LPP: variants seen among roughly 807,000 people sequenced by gnomAD.
The protein encoded by LPP is LIM domain containing preferred translocation partner in lipoma, also known as lipoma-preferred partner.
A neutral mutation model predicts 60.4 loss-of-function variants in LPP; 38 were observed. The observed-to-expected ratio is 0.63, with a 90% CI of 0.49 to 0.83. The LOEUF is 0.83. Among genes scored for constraint, LPP ranks in the 40% least tolerant of loss-of-function variants. The probability of loss-of-function intolerance (pLI) is 0.00; values close to 1 mark genes in which losing one functional copy is unlikely to be tolerated. For missense variants in LPP, 902 were observed against 783.6 expected, an observed-to-expected ratio of 1.15 and a Z score of -1.80; for synonymous variants, 328 against 290.8, an observed-to-expected ratio of 1.13 and a Z score of -1.30.
chr3:188,566,180 C>T (rs983175970), intron 6 of LPP, among the ~76,000 whole-genome samples: 1 of 151,902 alleles, frequency 6.6e-6, no homozygotes, highest in Non-Finnish European at 1.5e-5. Flanking sequence ...TCAATCTTCC[C>T]TTGCACGATT....
intron 4 of LPP, among the ~76,000 whole-genome samples, chr3:188,424,910 C>A (rs1206605597): frequency 6.6e-6 from 1 of 152,014 alleles, no homozygotes; most frequent in Non-Finnish European, 1.5e-5. Flanking sequence ...TTTGACTTCC[C>A]CTCTTCCTAT....
rs564964290 is a variant in LPP, at chr3:188,390,396, T to C, written c.-9-15716T>C. 2.0e-5 allele frequency among the ~76,000 whole-genome samples: 3 copies of C among 152,264 alleles called. No homozygotes were observed. The South Asian group carries it at 6.2e-4, about 32-fold the overall frequency. ...CTTTCCTTTGAAATTCCTTTATTAA[T>C]AGTCTTCCTTCACATGTATATCACT... On this transcript the variant is annotated intron_variant, in intron 3 of 11. Transcript: ENST00000617246.
At chr3:188,615,618 G>C (rs1456996019) in intron 7 of LPP, among the ~76,000 whole-genome samples, 1 of 152,196 alleles carries the variant, frequency 6.6e-6, no homozygotes, top group Non-Finnish European at 1.5e-5. Flanking sequence ...AATTTTGGTA[G>C]ACACTCTGTA....
At chr3:188,344,534 T>C (rs1051066575) in intron 3 of LPP, among the ~76,000 whole-genome samples, 2 of 152,318 alleles carry the variant, frequency 1.3e-5, no homozygotes, top group African/African-American at 2.4e-5. Context: ...GTTGGACCAG[T>C]TGATCATGGC....
At chr3:188,659,102 T>C (rs1461436018) in intron 7 of LPP, among the ~76,000 whole-genome samples, 1 of 152,208 alleles carries the variant, frequency 6.6e-6, no homozygotes, top group Admixed American at 6.5e-5. Flanking sequence ...TGTTAAAAAA[T>C]AATAGTGCAT....
intron 9 of LPP, among the ~76,000 whole-genome samples, chr3:188,766,491 A>G (rs1734206399): frequency 6.6e-6 from 1 of 152,016 alleles, no homozygotes; most frequent in Non-Finnish European, 1.5e-5. Context: ...CTAATTAATG[A>G]TCCTAGAAAA....
intron 5 of LPP, among the ~76,000 whole-genome samples, chr3:188,494,104 T>C (rs1809227892): frequency 6.6e-6 from 1 of 152,140 alleles, no homozygotes; most frequent in African/African-American, 2.4e-5. Flanking sequence ...GGCCATAGGG[T>C]ATATACGTTC....
intron 9 of LPP, among the ~76,000 whole-genome samples, chr3:188,791,207 G>A (rs1032969592): frequency 5.3e-5 from 8 of 152,172 alleles, no homozygotes; most frequent in African/African-American, 1.7e-4. Context: ...TGCTCTGGGA[G>A]AAATGGGTGC....
intron 6 of LPP, chr3:188,553,667 T>C (rs1259712703): frequency 6.6e-6 from 1 of 152,208 alleles, no homozygotes; most frequent in Non-Finnish European, 1.5e-5. Context: ...AACTGGTGAA[T>C]AGAAGAAGCC....
intron 4 of LPP, among the ~76,000 whole-genome samples, chr3:188,440,286 T>TA (rs1371871025): frequency 1.3e-5 from 2 of 152,208 alleles, no homozygotes; most frequent in African/African-American, 2.4e-5. Flanking sequence ...TCCTCTTTCG[T>TA]AAAAAAGAGA....
chr3:188,769,839 A>G (rs1304498157), intron 9 of LPP, among the ~76,000 whole-genome samples: 3 of 152,126 alleles, frequency 2.0e-5, no homozygotes, highest in Non-Finnish European at 4.4e-5. Context: ...TAGAAATAGG[A>G]CAGCGTTTGC....
At chr3:188,808,133 T>C (rs1457884856) in intron 9 of LPP, among the ~76,000 whole-genome samples, 1 of 152,150 alleles carries the variant, frequency 6.6e-6, no homozygotes, top group Non-Finnish European at 1.5e-5. Flanking sequence ...TCTCTAATGT[T>C]ACTTTGTCTT....
rs1157606865 is a variant in LPP, at chr3:188,866,229, C to T, written c.1440C>T (p.Ser480=). 2 of 1,572,922 alleles carry T rather than the reference C, an allele frequency of 1.3e-6. No homozygotes were observed. Among genetic ancestry groups the T allele is most frequent in the Admixed American group, 3.7e-5 (2 of 54,730 alleles). ...CTCTGGAGCAGTGCAATGTGTGTTC[C>T]AAGCCCATCATGGAGCGGATTCTCC... is the stretch of plus-strand genomic sequence containing the variant. ...INTLEQCNVC[S]KPIMERILRA... The change falls in exon 10 of 12, where the codon TCC becomes TCT. Residue 480 remains serine, a synonymous_variant. Transcript: ENST00000617246.
intron 2 of LPP, among the ~76,000 whole-genome samples, chr3:188,286,587 C>T (rs1334891878): frequency 6.6e-6 from 1 of 152,078 alleles, no homozygotes; most frequent in African/African-American, 2.4e-5. Context: ...AATAATAATA[C>T]AATATTCAGA....
chr3:188,294,797 A>C (rs1307057420), intron 2 of LPP, among the ~76,000 whole-genome samples: 1 of 152,222 alleles, frequency 6.6e-6, no homozygotes, highest in Non-Finnish European at 1.5e-5. Flanking sequence ...GCTAGAAAAC[A>C]GGTGCCCAGG....
At chr3:188,488,820 G>A (rs1163066600) in intron 5 of LPP, among the ~76,000 whole-genome samples, 1 of 151,864 alleles carries the variant, frequency 6.6e-6, no homozygotes, top group Non-Finnish European at 1.5e-5. Context: ...TGTATTTTCG[G>A]TAGAGATGGG....
chr3:188,631,568 G>A (rs1435537290), intron 7 of LPP, among the ~76,000 whole-genome samples: 1 of 152,136 alleles, frequency 6.6e-6, no homozygotes, highest in Non-Finnish European at 1.5e-5. Context: ...TACTCCACAT[G>A]TATACTTTTA....
intron 2 of LPP, among the ~76,000 whole-genome samples, chr3:188,308,914 T>G (rs1752402503): frequency 1.3e-5 from 1 of 77,746 alleles, no homozygotes. Context: ...TCCTTCTTCT[T>G]CGTCTTCTTC....
At chr3:188,737,329 G>A (rs1722877899) in intron 8 of LPP, among the ~76,000 whole-genome samples, 1 of 152,160 alleles carries the variant, frequency 6.6e-6, no homozygotes, top group South Asian at 2.1e-4. Context: ...AAAGAAACAA[G>A]GAGACTTATT....
Sources: gnomAD v4.1 joint callset for allele counts (sites outside exome capture counted in the v4.1 genomes callset) on GRCh38, gnomAD v4.1.1 for gene constraint, MANE v1.5 for transcripts, NCBI Gene and HGNC (gene_info 2026-07-23, HGNC 2026-07-21) for gene names.